PTPRT: variants seen among roughly 807,000 people sequenced by gnomAD.
The protein encoded by PTPRT is receptor-type tyrosine-protein phosphatase T.
A neutral mutation model predicts 176.8 loss-of-function variants in PTPRT; 56 were observed. The ratio of observed to expected loss-of-function variants is 0.32; its 90% confidence interval spans 0.26 to 0.40. PTPRT has a LOEUF of 0.40. Ranked by LOEUF, PTPRT falls within the 10% of genes least tolerant of loss-of-function variation. PTPRT has a pLI of 1.00. For missense variants in PTPRT, 1,540 were observed against 1,908.2 expected, an observed-to-expected ratio of 0.81 and a Z score of 3.60; for synonymous variants, 783 against 739.0, an observed-to-expected ratio of 1.06 and a Z score of -0.96.
intron 9 of PTPRT, among the ~76,000 whole-genome samples, chr20:42,385,381 C>T (rs937508649): frequency 1.3e-5 from 2 of 152,056 alleles, no homozygotes. Context: ...TGCATGATTC[C>T]ACTTATATGA....
chr20:43,105,663 A>G (rs3091878), intron 1 of PTPRT, among the ~76,000 whole-genome samples: 83,030 of 152,060 alleles, frequency 0.55, 23,339 homozygotes, highest in African/African-American at 0.67. Context: ...GCCTCCCAAA[A>G]TGCTAGGATT....
At chr20:42,155,640 T>C (rs531849940) in intron 17 of PTPRT, among the ~76,000 whole-genome samples, 18 of 152,332 alleles carry the variant, frequency 1.2e-4, no homozygotes, top group African/African-American at 4.1e-4. Flanking sequence ...CAATTCAAGA[T>C]AGTTCATACA....
chr20:42,295,111 T>C (rs2057369860), intron 12 of PTPRT, among the ~76,000 whole-genome samples: 1 of 152,156 alleles, frequency 6.6e-6, no homozygotes, highest in Non-Finnish European at 1.5e-5. Flanking sequence ...CCCAAGCCTC[T>C]ATACTGAAAG....
At chr20:42,474,458 T>C (rs895230629) in intron 7 of PTPRT, among the ~76,000 whole-genome samples, 2 of 152,120 alleles carry the variant, frequency 1.3e-5, no homozygotes, top group Non-Finnish European at 2.9e-5. Context: ...GTGTTGAGGA[T>C]AGTGGGCAGC....
chr20:42,376,641 A>G (rs1371163731), intron 9 of PTPRT, among the ~76,000 whole-genome samples: 1 of 152,156 alleles, frequency 6.6e-6, no homozygotes, highest in East Asian at 1.9e-4. Context: ...TGAAAAGCTC[A>G]GACTTGGGTG....
In PTPRT at chr20:42,959,579, T is replaced by C. The variant is rs186852917; in HGVS notation, c.89-73647A>G. Among the ~76,000 whole-genome samples the C allele has an allele frequency of 5.0e-4, 76 of 152,196 alleles. 1 individual carries two copies. The highest frequency in any genetic ancestry group is 6.2e-4 in the South Asian group (3 of 4,826). ...GAGATGCTGTGACTGGCCTCCACCATACAATAAAGCCAAATCCCCTCAAAA... is the reference window on the plus strand; with the variant it reads ...GAGATGCTGTGACTGGCCTCCACCACACAATAAAGCCAAATCCCCTCAAAA... On this transcript the variant is annotated intron_variant, in intron 1 of 30. Transcript: ENST00000373187.
intron 6 of PTPRT, among the ~76,000 whole-genome samples, chr20:42,683,271 T>TTTTTCTTTTG (rs1555898538): frequency 6.7e-6 from 1 of 149,280 alleles, no homozygotes; most frequent in African/African-American, 2.5e-5. Context: ...TTACTTGTTT[T>TTTTTCTTTTG]TTTTGTTTTG....
At chr20:43,074,746 G>A (rs1033065615) in intron 1 of PTPRT, among the ~76,000 whole-genome samples, 9 of 152,130 alleles carry the variant, frequency 5.9e-5, no homozygotes, top group African/African-American at 2.2e-4. Flanking sequence ...TTCTAATTGG[G>A]TCTTGCCATT....
At chr20:42,272,721 G>GCGCA (rs1491379162) in intron 13 of PTPRT, among the ~76,000 whole-genome samples, 8 of 149,206 alleles carry the variant, frequency 5.4e-5, no homozygotes, top group African/African-American at 2.0e-4. Flanking sequence ...ACACGTGCGC[G>GCGCA]CACACACACA....
At chr20:42,310,713 C>G (rs1257965279) in intron 12 of PTPRT, among the ~76,000 whole-genome samples, 1 of 152,004 alleles carries the variant, frequency 6.6e-6, no homozygotes, top group African/African-American at 2.4e-5. Flanking sequence ...ATTGCTATAT[C>G]CAAAACAAAT....
chr20:42,619,449 G>C (rs1349127362), intron 7 of PTPRT, among the ~76,000 whole-genome samples: 2 of 124,484 alleles, frequency 1.6e-5, no homozygotes, highest in Non-Finnish European at 1.6e-5. Flanking sequence ...GAGTATCTTT[G>C]TGGCATTCTC....
intron 9 of PTPRT, among the ~76,000 whole-genome samples, chr20:42,388,495 C>T (rs1051331322): frequency 3.3e-5 from 5 of 152,212 alleles, no homozygotes; most frequent in Non-Finnish European, 5.9e-5. Flanking sequence ...CAAAAGAAGA[C>T]ATTTATGCAG....
intron 1 of PTPRT, among the ~76,000 whole-genome samples, chr20:42,917,468 C>T (rs1978849130): frequency 6.6e-6 from 1 of 152,104 alleles, no homozygotes; most frequent in African/African-American, 2.4e-5. Flanking sequence ...TCCATATGAA[C>T]TTTAAAGTAG....
At chr20:42,403,171 G>T (rs1258363823) in intron 9 of PTPRT, among the ~76,000 whole-genome samples, 4 of 151,614 alleles carry the variant, frequency 2.6e-5, no homozygotes, top group African/African-American at 9.7e-5. Flanking sequence ...TACGATTTTT[G>T]CATTTTGCAT....
At chr20:42,149,488 A>T (rs112354157) in intron 17 of PTPRT, among the ~76,000 whole-genome samples, 1,982 of 150,484 alleles carry the variant, frequency 0.013, 48 homozygotes, top group African/African-American at 0.046. Context: ...CAATGGCATG[A>T]TCTCAGCTCA....
At chr20:42,832,551 G>A (rs2078107389) in intron 2 of PTPRT, among the ~76,000 whole-genome samples, 1 of 150,222 alleles carries the variant, frequency 6.7e-6, no homozygotes, top group Admixed American at 6.6e-5. Context: ...GTAGAGAGAA[G>A]AGATTTTATC....
At chr20:43,006,248 T>A (rs978417713) in intron 1 of PTPRT, among the ~76,000 whole-genome samples, 1 of 152,208 alleles carries the variant, frequency 6.6e-6, no homozygotes, top group Admixed American at 6.5e-5. Context: ...AGGTCACTCC[T>A]CCCCATGAGT....
intron 12 of PTPRT, among the ~76,000 whole-genome samples, chr20:42,314,944 G>A (rs899511157): frequency 6.6e-6 from 1 of 152,086 alleles, no homozygotes; most frequent in Admixed American, 6.5e-5. Flanking sequence ...CAGTTAATTG[G>A]TGTTGTAGTA....
At chr20:42,835,013 A>G (rs892240589) in intron 2 of PTPRT, among the ~76,000 whole-genome samples, 2 of 152,178 alleles carry the variant, frequency 1.3e-5, no homozygotes, top group Non-Finnish European at 2.9e-5. Context: ...CCTATATACC[A>G]TGCTCTAATA....
Sources: allele counts gnomAD v4.1 joint callset (sites outside exome capture counted in the v4.1 genomes callset), GRCh38; gene constraint gnomAD v4.1.1; transcripts MANE v1.5; gene names NCBI Gene and HGNC (gene_info 2026-07-23, HGNC 2026-07-21).